The following NEK1 variants were observed in gnomAD, a reference collection of about 807,000 sequenced individuals.
The protein encoded by NEK1 is NIMA related kinase 1.
Under a neutral mutation model 182.1 loss-of-function variants are expected in NEK1, and 137 were observed. The observed-to-expected ratio is 0.75, with a 90% confidence interval of 0.65 to 0.87. NEK1 has a LOEUF of 0.87. NEK1 is among the 40% of genes least tolerant of loss of function. The probability of loss-of-function intolerance (pLI) is 0.00; values close to 1 mark genes in which losing one functional copy is unlikely to be tolerated. For missense variants in NEK1, 1,391 were observed against 1,494.4 expected (o/e 0.93, Z 1.14); for synonymous variants, 513 against 492.2 (o/e 1.04, Z -0.56).
intron 28 of NEK1, 48 bp downstream of exon 28, chr4:169,438,035 A>G: frequency 7.1e-7 from 1 of 1,408,444 alleles, no homozygotes; most frequent in African/African-American, 1.4e-5. Flanking sequence ...GTGAAATTTA[A>G]GTTTTTACTA....
chr4:169,431,950 A>C (rs1471426466), intron 29 of NEK1, among the ~76,000 whole-genome samples: 3 of 151,376 alleles, frequency 2.0e-5, no homozygotes, highest in Admixed American at 1.3e-4. Flanking sequence ...CACACACACA[A>C]AACATAAATG....
rs192845888 is a variant in NEK1 at position 169,508,268 on chromosome 4, C to T, written c.1813G>A (p.Ala605Thr). 4 of 1,592,370 alleles carry T rather than the reference C, an allele frequency of 2.5e-6. No individual in the cohort carries two copies. In the East Asian group the frequency reaches 6.8e-5, roughly 27 times the overall value. ...CCTACCTTTTCACCACGAAGTTTGG[C>T]TTTAATCTGTTGGCGCTCATTGAAA... ...QNFNERQQIK[A>T]KLRGEKKEAN... Residue 605 changes from alanine to threonine, a missense_variant, in exon 21 of 36, where the codon GCC (alanine) becomes ACC (threonine). Coordinates refer to ENST00000507142, the MANE Select transcript of NEK1 (RefSeq NM_001199397.3).
At chr4:169,419,159 T>C (rs956175506) in intron 31 of NEK1, among the ~76,000 whole-genome samples, 3 of 152,018 alleles carry the variant, frequency 2.0e-5, no homozygotes, top group South Asian at 2.1e-4. Flanking sequence ...AAACCAGTGA[T>C]AAAAAGGAAA....
chr4:169,487,395 T>C (rs1402652403), intron 23 of NEK1, among the ~76,000 whole-genome samples: 1 of 152,206 alleles, frequency 6.6e-6, no homozygotes, highest in Admixed American at 6.5e-5. Context: ...CTCCCACTTA[T>C]AAGTGATACC....
At chr4:169,530,969 C>T (rs866824546) in intron 19 of NEK1, among the ~76,000 whole-genome samples, 21 of 149,410 alleles carry the variant, frequency 1.4e-4, no homozygotes, top group Middle Eastern at 3.2e-3. Context: ...ATCTGAGTTA[C>T]TGATATAGAT....
chr4:169,551,889 AC>A, intron 18 of NEK1, among the ~76,000 whole-genome samples: 1 of 152,284 alleles, frequency 6.6e-6, no homozygotes. Context: ...GTGACTGAGA[AC>A]CCTGTATGAA....
intron 16 of NEK1, among the ~76,000 whole-genome samples, chr4:169,560,679 A>C (rs1328368395): frequency 1.3e-5 from 2 of 152,196 alleles, no homozygotes; most frequent in Admixed American, 6.5e-5. Context: ...CTGTATGAAT[A>C]AAAGAGGAAG....
At chr4:169,501,143 C>T (rs888208618) in intron 23 of NEK1, among the ~76,000 whole-genome samples, 10 of 152,000 alleles carry the variant, frequency 6.6e-5, no homozygotes, top group African/African-American at 2.4e-4. Flanking sequence ...AACAACAGTA[C>T]AAAAGGAGAA....
chr4:169,552,890 C>T (rs752440840), intron 18 of NEK1, among the ~76,000 whole-genome samples: 3 of 151,932 alleles, frequency 2.0e-5, no homozygotes, highest in South Asian at 2.1e-4. Context: ...AAAATATGCA[C>T]GGGTATGAGG....
At chr4:169,577,741 G>T (rs937442657) in intron 11 of NEK1, among the ~76,000 whole-genome samples, 1 of 151,876 alleles carries the variant, frequency 6.6e-6, no homozygotes, top group Non-Finnish European at 1.5e-5. Flanking sequence ...GCGACAGAAT[G>T]AGACTCCGTC....
At chr4:169,515,703 C>T (rs1755111140) in intron 19 of NEK1, among the ~76,000 whole-genome samples, 1 of 93,536 alleles carries the variant, frequency 1.1e-5, no homozygotes, top group Non-Finnish European at 2.1e-5. Flanking sequence ...CTTCCTGTGT[C>T]CATGTGATCT....
intron 26 of NEK1, among the ~76,000 whole-genome samples, chr4:169,467,216 G>A (rs1745095366): frequency 6.6e-6 from 1 of 151,970 alleles, no homozygotes; most frequent in South Asian, 2.1e-4. Flanking sequence ...TATTGATAAG[G>A]CTTCTGGTCA....
intron 10 of NEK1, among the ~76,000 whole-genome samples, chr4:169,584,875 T>C (rs530758419): frequency 2.6e-5 from 4 of 151,954 alleles, no homozygotes; most frequent in Non-Finnish European, 5.9e-5. Flanking sequence ...AAAGCAAACA[T>C]TAAGAAAACA....
rs114049782 is a variant in NEK1, at chr4:169,505,384, C to T, written c.2007+1653G>A. On this transcript the variant is annotated intron_variant, in intron 23 of 35. Coordinates refer to ENST00000507142, the MANE Select transcript of NEK1 (RefSeq NM_001199397.3). The stretch of plus-strand genomic sequence containing the variant: ...GCATGAAGACCTTTATGATGATCCA[C>T]TTCCATTTAAAAATAGTAAATATAT... Among the ~76,000 whole-genome samples the T allele has an allele frequency of 6.3e-3, 962 of 152,194 alleles. 9 individuals carry two copies. The highest frequency in any genetic ancestry group is 0.022 in the African/African-American group (928 of 41,508).
chr4:169,495,781 T>C (rs1219922209), intron 23 of NEK1, among the ~76,000 whole-genome samples: 1 of 152,208 alleles, frequency 6.6e-6, no homozygotes, highest in Admixed American at 6.5e-5. Context: ...TTGGTACCAG[T>C]ACCATGCTGT....
chr4:169,561,663 A>G lies in NEK1; in HGVS notation c.1191+24T>C, dbSNP rs1001151716. The G allele has an allele frequency of 3.8e-6, 6 of 1,568,418 alleles. No homozygotes were observed. In the Admixed American group the frequency reaches 7.4e-5, roughly 19 times the overall value. ...TCAGTGTATTCCTTAAGAAAAAAGT[A>G]TATTTAATAGATTATCCTCTTACCC... On this transcript the variant is annotated intron_variant, in intron 15 of 35. Transcript: ENST00000507142.
At chr4:169,566,709 T>C (rs906551961) in intron 12 of NEK1, among the ~76,000 whole-genome samples, 1 of 152,212 alleles carries the variant, frequency 6.6e-6, no homozygotes, top group Non-Finnish European at 1.5e-5. Context: ...TTTTTCAGGC[T>C]TGAAGTTAAA....
intron 2 of NEK1, among the ~76,000 whole-genome samples, chr4:169,610,093 C>T (rs908071110): frequency 6.6e-6 from 1 of 151,572 alleles, no homozygotes; most frequent in Non-Finnish European, 1.5e-5. Context: ...TTTCGGCCTC[C>T]GAGGTTCAAG....
At chr4:169,595,555 A>G (rs1769291896) in intron 5 of NEK1, among the ~76,000 whole-genome samples, 1 of 152,184 alleles carries the variant, frequency 6.6e-6, no homozygotes, top group Non-Finnish European at 1.5e-5. Flanking sequence ...TTGTGCAACC[A>G]AGGCCATACC....
Sources: allele counts gnomAD v4.1 joint callset (sites outside exome capture counted in the v4.1 genomes callset), GRCh38; gene constraint gnomAD v4.1.1; transcripts MANE v1.5; gene names NCBI Gene and HGNC (gene_info 2026-07-23, HGNC 2026-07-21).